SPTB: variants seen among roughly 807,000 people sequenced by gnomAD.
SPTB encodes spectrin beta, erythrocytic.
Under a neutral mutation model 256.2 loss-of-function variants are expected in SPTB, and 45 were observed. That is an observed-to-expected ratio of 0.18 (90% CI 0.14 to 0.23). The LOEUF (loss-of-function observed/expected upper bound fraction) is 0.23, where lower values mean the gene tolerates loss of function less well. SPTB is among the 10% of genes least tolerant of loss of function. The probability of loss-of-function intolerance (pLI) is 1.00; values close to 1 mark genes in which losing one functional copy is unlikely to be tolerated. For synonymous variants in SPTB, 1,231 were observed against 1,243.1 expected, an observed-to-expected ratio of 0.99 and a Z score of 0.21; for missense variants, 2,715 against 3,040.4, an observed-to-expected ratio of 0.89 and a Z score of 2.52.
intron 1 of SPTB, among the ~76,000 whole-genome samples, chr14:64,878,134 T>C (rs1368026976): frequency 2.0e-5 from 3 of 152,186 alleles, no homozygotes; most frequent in African/African-American, 7.2e-5. Context: ...CTGATAAAGC[T>C]AAGAGCAACA....
At chr14:64,858,569 C>T (rs1343783301) in intron 1 of SPTB, among the ~76,000 whole-genome samples, 1 of 151,626 alleles carries the variant, frequency 6.6e-6, no homozygotes, top group Non-Finnish European at 1.5e-5. Flanking sequence ...CAACTGGACA[C>T]CAAGTGAGTA....
chr14:64,867,547 A>G (rs556443153), intron 1 of SPTB, among the ~76,000 whole-genome samples: 15 of 152,296 alleles, frequency 9.8e-5, no homozygotes, highest in African/African-American at 3.6e-4. Flanking sequence ...GTCTTAAGGC[A>G]TATATGTGTA....
At chr14:64,843,682 C>T (rs2083643079) in intron 1 of SPTB, among the ~76,000 whole-genome samples, 1 of 152,196 alleles carries the variant, frequency 6.6e-6, no homozygotes, top group Admixed American at 6.5e-5. Flanking sequence ...CCATCGCTGT[C>T]AAGCCAACCT....
At chr14:64,859,258 G>T (rs1348766567) in intron 1 of SPTB, among the ~76,000 whole-genome samples, 1 of 152,040 alleles carries the variant, frequency 6.6e-6, no homozygotes, top group East Asian at 1.9e-4. Context: ...CGTCTCAGAA[G>T]AAAAAATAAA....
At chr14:64,794,812 T>C (rs999121893) in intron 12 of SPTB, among the ~76,000 whole-genome samples, 195 bp from the exon 13 acceptor site, 1 of 152,178 alleles carries the variant, frequency 6.6e-6, no homozygotes, top group African/African-American at 2.4e-5. Flanking sequence ...ATCAGCATCA[T>C]CCATAGAACA....
chr14:64,822,814 C>T, intron 2 of SPTB, 133 bp downstream of exon 2: 1 of 1,395,844 alleles, frequency 7.2e-7, no homozygotes, highest in Non-Finnish European at 1.0e-6. Context: ...CTCCCTGAGC[C>T]CGACAAACAC....
chr14:64,766,182 GTA>G (rs1319109523), intron 32 of SPTB, among the ~76,000 whole-genome samples: 1 of 149,570 alleles, frequency 6.7e-6, no homozygotes, highest in African/African-American at 2.5e-5. Context: ...ATGTGTGTGT[GTA>G]TGTGTATGTG....
intron 1 of SPTB, among the ~76,000 whole-genome samples, chr14:64,872,340 C>T (rs1427817234): frequency 6.6e-6 from 1 of 152,172 alleles, no homozygotes; most frequent in African/African-American, 2.4e-5. Context: ...TCATCCTGAT[C>T]CATCCTCTCG....
chr14:64,876,351 C>T (rs969379037), intron 1 of SPTB, among the ~76,000 whole-genome samples: 4 of 152,046 alleles, frequency 2.6e-5, no homozygotes, highest in Admixed American at 6.6e-5. Context: ...AGGCTGGTCT[C>T]GAACTCCTGA....
chr14:64,784,863 A>G (rs2082537798), intron 18 of SPTB, among the ~76,000 whole-genome samples: 1 of 152,250 alleles, frequency 6.6e-6, no homozygotes, highest in Admixed American at 6.5e-5. Context: ...ATGACAAGAA[A>G]GAAGTCAGGG....
intron 32 of SPTB, among the ~76,000 whole-genome samples, chr14:64,762,508 C>T (rs1392042399): frequency 2.0e-5 from 3 of 152,232 alleles, no homozygotes; most frequent in Non-Finnish European, 2.9e-5. Context: ...GTCTTGGCTA[C>T]AAGTCCAGTG....
intron 32 of SPTB, chr14:64,755,809 G>A (rs1227720829): frequency 6.6e-6 from 1 of 152,248 alleles, no homozygotes; most frequent in East Asian, 1.9e-4. Flanking sequence ...CTGTGGGAAT[G>A]TAGCCAGCTG....
In SPTB at chr14:64,773,340, C is replaced by T. The variant is rs1283560536; in HGVS notation, c.5058G>A (p.Leu1686=). 2 of 1,614,182 alleles carry T rather than the reference C, an allele frequency of 1.2e-6. No homozygotes were observed. The highest frequency in any genetic ancestry group is 4.5e-5 in the East Asian group (2 of 44,866). Residue 1686 remains leucine (L), a synonymous_variant, in exon 25 of 36, where the codon CTG becomes CTA. Coordinates refer to ENST00000644917, the MANE Select transcript of SPTB (RefSeq NM_001355436.2). ...GCTGGAACAGGTGGTACATGTTCTC[C>T]AGCTTGCGCTTGCGCTCTTCCGCCA... ...KDVAEERKRK[L]ENMYHLFQLK...
Position 64,816,517 on chromosome 14 carries a change from T to C in SPTB, c.148+6430A>G, listed in dbSNP as rs1209869538. ...GAGCTGCAGTTTATGTTACAAACTT[T>C]ATAGTTCCCAGCAAATCTTCATAGC... is the stretch of plus-strand genomic sequence containing the variant. On this transcript the variant is annotated intron_variant, in intron 2 of 35. Coordinates refer to ENST00000644917, the MANE Select transcript of SPTB (RefSeq NM_001355436.2). This position sits in a 1 kb window ranked among gnomAD's most constrained non-coding sequence, Gnocchi z 4.2. 6.6e-6 allele frequency among the ~76,000 whole-genome samples: 1 copy of C among 152,182 alleles called. No homozygotes were observed. Among genetic ancestry groups the C allele is most frequent in the African/African-American group, 2.4e-5 (1 of 41,434 alleles).
intron 32 of SPTB, among the ~76,000 whole-genome samples, chr14:64,765,017 A>AGT (rs749379191): frequency 1.1e-4 from 12 of 108,820 alleles, no homozygotes; most frequent in African/African-American, 3.5e-4. Flanking sequence ...GCCACAGAGG[A>AGT]GTGTGTGCGT....
chr14:64,835,318 T>C (rs2139737120), intron 1 of SPTB, among the ~76,000 whole-genome samples: 1 of 152,306 alleles, frequency 6.6e-6, no homozygotes, highest in Admixed American at 6.5e-5. Flanking sequence ...GTGCAATCTC[T>C]GCTCACTGAA....
intron 1 of SPTB, among the ~76,000 whole-genome samples, chr14:64,867,655 A>T (rs1882267123): frequency 6.6e-6 from 1 of 152,134 alleles, no homozygotes; most frequent in Non-Finnish European, 1.5e-5. Flanking sequence ...GGAGTTCGAG[A>T]CCAGCCTGGC....
rs2082039422 is a variant in SPTB at position 64,758,021 on chromosome 14, G to C, written c.6346-4228C>G. On this transcript the variant is annotated intron_variant, in intron 32 of 35. Transcript: ENST00000644917. This position sits in a 1 kb window ranked among gnomAD's most constrained non-coding sequence, Gnocchi z 4.6. ...TCCCTGGAATTCCATCTGGGGGAAG[G>C]GAGAGAACCTTCCTGACTCAGTTAG... Among the ~76,000 whole-genome samples, 1 of 152,198 alleles carries C rather than the reference G, an allele frequency of 6.6e-6. No homozygotes were observed. Among genetic ancestry groups the C allele is most frequent in the African/African-American group, 2.4e-5 (1 of 41,446 alleles).
rs561240270 is a variant in SPTB, at chr14:64,839,154, A to AT, written c.-51-16010dup. Among the ~76,000 whole-genome samples, 293 of 152,340 alleles carry AT rather than the reference A, an allele frequency of 1.9e-3. 2 individuals are homozygous for AT. Among genetic ancestry groups the AT allele is most frequent in the African/African-American group, 6.8e-3 (281 of 41,572 alleles). On this transcript the variant is annotated intron_variant, in intron 1 of 35. Coordinates refer to ENST00000644917, the MANE Select transcript of SPTB (RefSeq NM_001355436.2). ...TCAAAAAATAAAAGCCTCTATGCAA[A>AT]TATTTATAGTGGCTTTATTTATTCT...
Sources: allele counts gnomAD v4.1 joint callset (sites outside exome capture counted in the v4.1 genomes callset), GRCh38; gene constraint gnomAD v4.1.1; non-coding constraint Gnocchi (gnomAD v3.1); transcripts MANE v1.5; gene names NCBI Gene and HGNC (gene_info 2026-07-23, HGNC 2026-07-21).